Variants in PPARG observed in about 807,000 individuals in gnomAD.
The protein encoded by PPARG is peroxisome proliferator activated receptor gamma.
PPARG carries 17 observed loss-of-function variants against 39.2 expected under a neutral mutation model. That is an observed-to-expected ratio of 0.43 (90% CI 0.30 to 0.65). PPARG has a LOEUF of 0.65. Ranked by LOEUF, PPARG falls within the 30% of genes least tolerant of loss-of-function variation. PPARG has a pLI of 0.13. For synonymous variants in PPARG, 223 were observed against 215.7 expected (o/e 1.03, Z -0.30); for missense variants, 406 against 585.9 (o/e 0.69, Z 3.17).
At chr3:12,351,480 G>T (rs987160256) in intron 2 of PPARG, 100 of 783,770 alleles carry the variant, frequency 1.3e-4, no homozygotes, top group Non-Finnish European at 2.1e-4. Context: ...TGACTCATGG[G>T]TGTATTCACA....
chr3:12,365,258 TG>T (rs2125128946), intron 2 of PPARG, among the ~76,000 whole-genome samples: 1 of 152,376 alleles, frequency 6.6e-6, no homozygotes, highest in Non-Finnish European at 1.5e-5. Context: ...GGTACTGGTC[TG>T]GACCTGGAGG....
At chr3:12,433,369 C>G (rs931332781) in intron 7 of PPARG, among the ~76,000 whole-genome samples, 1 of 151,988 alleles carries the variant, frequency 6.6e-6, no homozygotes, top group African/African-American at 2.4e-5. Flanking sequence ...GAAACCCTAT[C>G]TCTACTAAAA....
chr3:12,337,405 G>A (rs1290090941), intron 2 of PPARG, among the ~76,000 whole-genome samples: 2 of 152,172 alleles, frequency 1.3e-5, no homozygotes, highest in African/African-American at 2.4e-5. Context: ...ACAGGTGGGT[G>A]TGTGGGCAGA....
At chr3:12,381,581 A>AT (rs767364009) in intron 4 of PPARG, 90 bp downstream of exon 4, 23 of 1,374,544 alleles carry the variant, frequency 1.7e-5, no homozygotes, top group East Asian at 2.5e-5. Context: ...CAATATATGA[A>AT]TTTTTTTTCT....
At chr3:12,370,006 C>G (rs1249684953) in intron 2 of PPARG, among the ~76,000 whole-genome samples, 2 of 152,186 alleles carry the variant, frequency 1.3e-5, no homozygotes, top group African/African-American at 4.8e-5. Context: ...TTCCACCTCT[C>G]TCCTGTCTTT....
At chr3:12,429,239 T>G (rs1184130966) in intron 7 of PPARG, among the ~76,000 whole-genome samples, 1 of 152,120 alleles carries the variant, frequency 6.6e-6, no homozygotes, top group African/African-American at 2.4e-5. Context: ...AAGAGGGGTT[T>G]GAAAATCCAA....
chr3:12,409,542 A>C (rs1353791179), intron 6 of PPARG, among the ~76,000 whole-genome samples: 1 of 152,208 alleles, frequency 6.6e-6, no homozygotes, highest in Non-Finnish European at 1.5e-5. Context: ...GCCAGGACTC[A>C]TGAAAGTTAA....
intron 5 of PPARG, among the ~76,000 whole-genome samples, chr3:12,400,741 T>C (rs1023954639): frequency 2.0e-5 from 3 of 152,196 alleles, no homozygotes; most frequent in Non-Finnish European, 4.4e-5. Flanking sequence ...GAGCAGAGCA[T>C]TTTCTTGAGT....
chr3:12,406,434 A>G (rs1406083662), intron 6 of PPARG: 1 of 325,182 alleles, frequency 3.1e-6, no homozygotes, highest in East Asian at 7.9e-5. Context: ...ATATTCATTC[A>G]AGCAGCCTTG....
intron 7 of PPARG, among the ~76,000 whole-genome samples, chr3:12,419,468 T>C (rs1411200828): frequency 6.6e-6 from 1 of 152,114 alleles, no homozygotes; most frequent in Non-Finnish European, 1.5e-5. Flanking sequence ...TTTATTTTAC[T>C]TCATTTTATT....
chr3:12,415,375 C>T (rs2051023910), intron 6 of PPARG, among the ~76,000 whole-genome samples: 1 of 152,204 alleles, frequency 6.6e-6, no homozygotes. Flanking sequence ...CACACATACC[C>T]TCAGCTCTTC....
At chr3:12,318,009 T>C (rs776841461) in intron 2 of PPARG, among the ~76,000 whole-genome samples, 1 of 152,204 alleles carries the variant, frequency 6.6e-6, no homozygotes, top group Non-Finnish European at 1.5e-5. Flanking sequence ...GGCCTTCCTC[T>C]GTTGCTCAGG....
intron 2 of PPARG, among the ~76,000 whole-genome samples, chr3:12,346,009 C>T (rs75700294): frequency 0.011 from 1,730 of 152,290 alleles, 28 homozygotes; most frequent in African/African-American, 0.038. Context: ...AAACAGCTTA[C>T]TAGAGAATTT....
At chr3:12,365,643 A>G (rs557478728) in intron 2 of PPARG, among the ~76,000 whole-genome samples, 2 of 152,008 alleles carry the variant, frequency 1.3e-5, no homozygotes, top group Non-Finnish European at 2.9e-5. Context: ...CTCCAGTCCC[A>G]GTTGTTGAAA....
intron 2 of PPARG, among the ~76,000 whole-genome samples, chr3:12,372,446 A>G (rs1185456235): frequency 6.6e-6 from 1 of 152,190 alleles, no homozygotes; most frequent in Non-Finnish European, 1.5e-5. Context: ...CCATCTTTAA[A>G]GTAAATTATA....
rs753288907 is a variant in PPARG, at chr3:12,429,552, C to CA, written c.1181-4325dup. 2.3e-3 allele frequency among the ~76,000 whole-genome samples: 232 copies of CA among 99,560 alleles called. 3 individuals carry two copies. The highest frequency in any genetic ancestry group is 5.1e-3 in the African/African-American group (129 of 25,170). The allele number at this position is 99,560 out of a possible 152,430, so 65.3% of individuals were successfully genotyped here. On this transcript the variant is annotated intron_variant, in intron 7 of 7. Coordinates refer to ENST00000651735, the MANE Select transcript of PPARG (RefSeq NM_138711.6). Reference sequence around the variant, plus strand: ...GAAAATGTAGAGATTCTGTCTCTACCAAAAAAAAAAAAAAAAAAAAAGAAG... The same window carrying CA: ...GAAAATGTAGAGATTCTGTCTCTACCAAAAAAAAAAAAAAAAAAAAAAGAAG...
chr3:12,377,286 C>G (rs2049449242), intron 2 of PPARG, among the ~76,000 whole-genome samples: 1 of 152,034 alleles, frequency 6.6e-6, no homozygotes, highest in African/African-American at 2.4e-5. Flanking sequence ...TTTCTTGTTT[C>G]TATCTCTGTT....
At chr3:12,423,901 C>T (rs1021526497) in intron 7 of PPARG, among the ~76,000 whole-genome samples, 1 of 152,216 alleles carries the variant, frequency 6.6e-6, no homozygotes, top group African/African-American at 2.4e-5. Context: ...TAGTTCCTGT[C>T]CCCTATCTGG....
chr3:12,386,882 CT>C (rs1228834835), intron 4 of PPARG, among the ~76,000 whole-genome samples: 10 of 151,778 alleles, frequency 6.6e-5, no homozygotes, highest in Admixed American at 3.9e-4. Flanking sequence ...CCTCCACCCC[CT>C]GATAGGCCCC....
Sources: allele counts gnomAD v4.1 joint callset (sites outside exome capture counted in the v4.1 genomes callset), GRCh38; gene constraint gnomAD v4.1.1; transcripts MANE v1.5; gene names NCBI Gene and HGNC (gene_info 2026-07-23, HGNC 2026-07-21).